Variants in ERC1 observed in about 807,000 individuals in gnomAD.
ERC1 encodes the protein ELKS/RAB6-interacting/CAST family member 1.
Under a neutral mutation model 132.0 loss-of-function variants are expected in ERC1, and 56 were observed. That is an observed-to-expected ratio of 0.42 (90% CI 0.34 to 0.53). The LOEUF is 0.53. Among genes scored for constraint, ERC1 ranks in the 20% least tolerant of loss-of-function variants. The probability of loss-of-function intolerance (pLI) is 0.03; values close to 1 mark genes in which losing one functional copy is unlikely to be tolerated. For synonymous variants in ERC1, 478 were observed against 476.1 expected (o/e 1.00, Z -0.05); for missense variants, 1,202 against 1,349.9 (o/e 0.89, Z 1.72).
chr12:998,080 T>G (rs967347870), intron 1 of ERC1, among the ~76,000 whole-genome samples: 2 of 152,220 alleles, frequency 1.3e-5, no homozygotes, highest in Non-Finnish European at 2.9e-5. Flanking sequence ...TTTACACACT[T>G]AAGAGTTTTC....
intron 17 of ERC1, among the ~76,000 whole-genome samples, chr12:1,443,082 G>T (rs1019053227): frequency 2.0e-5 from 3 of 151,728 alleles, no homozygotes; most frequent in African/African-American, 7.3e-5. Context: ...TGTATTTTTA[G>T]TGGAAACGGG....
At chr12:1,405,067 G>C (rs1023138360) in intron 16 of ERC1, among the ~76,000 whole-genome samples, 1 of 151,840 alleles carries the variant, frequency 6.6e-6, no homozygotes, top group African/African-American at 2.4e-5. Flanking sequence ...TTGAGCCCAG[G>C]AGGCAAAAGT....
intron 12 of ERC1, among the ~76,000 whole-genome samples, chr12:1,222,585 A>G (rs778780127): frequency 5.3e-5 from 8 of 152,188 alleles, no homozygotes; most frequent in African/African-American, 7.2e-5. Flanking sequence ...TGCTTTAGCA[A>G]TGTCATTTTA....
intron 15 of ERC1, among the ~76,000 whole-genome samples, chr12:1,343,929 C>T (rs1169396927): frequency 2.0e-5 from 3 of 152,086 alleles, no homozygotes; most frequent in Non-Finnish European, 1.5e-5. Context: ...GTAAGCTCCG[C>T]CTTTCAGGTT....
intron 14 of ERC1, among the ~76,000 whole-genome samples, chr12:1,275,064 G>A (rs2078168707): frequency 6.6e-6 from 1 of 152,184 alleles, no homozygotes; most frequent in Non-Finnish European, 1.5e-5. Flanking sequence ...GCATGAAACT[G>A]GAGAGGTAGG....
chr12:1,452,726 A>G (rs779155500), intron 18 of ERC1, among the ~76,000 whole-genome samples: 7 of 152,170 alleles, frequency 4.6e-5, no homozygotes, highest in Non-Finnish European at 1.0e-4. Context: ...TGTGTGTCAT[A>G]ATTTTTTATT....
chr12:1,233,223 C>A (rs954587655), intron 12 of ERC1, among the ~76,000 whole-genome samples: 1 of 152,090 alleles, frequency 6.6e-6, no homozygotes, highest in Non-Finnish European at 1.5e-5. Flanking sequence ...GTAATCCCAG[C>A]ACTTTGGGAG....
At chr12:1,267,638 T>C (rs1566436461) in intron 14 of ERC1, among the ~76,000 whole-genome samples, 1 of 152,044 alleles carries the variant, frequency 6.6e-6, no homozygotes, top group Non-Finnish European at 1.5e-5. Flanking sequence ...GGGGTATGCC[T>C]ATATTCCCAG....
chr12:1,196,884 G>T (rs1437690775), intron 12 of ERC1, among the ~76,000 whole-genome samples: 1 of 83,872 alleles, frequency 1.2e-5, no homozygotes, highest in African/African-American at 4.0e-5. Context: ...CTCTCTGTCT[G>T]TCTGTCTCTC....
At chr12:1,477,578 G>A (rs577576947) in intron 18 of ERC1, among the ~76,000 whole-genome samples, 1 of 152,276 alleles carries the variant, frequency 6.6e-6, no homozygotes, top group East Asian at 1.9e-4. Context: ...GGTCAGATTG[G>A]ATCGTACAGT....
intron 1 of ERC1, among the ~76,000 whole-genome samples, chr12:1,022,553 A>T (rs941251658): frequency 6.6e-6 from 1 of 152,094 alleles, no homozygotes; most frequent in African/African-American, 2.4e-5. Context: ...CAGCAATCTC[A>T]TCTTGAATTG....
intron 2 of ERC1, among the ~76,000 whole-genome samples, chr12:1,072,196 G>A (rs558959344): frequency 3.4e-4 from 52 of 152,244 alleles, no homozygotes; most frequent in South Asian, 2.1e-3. Flanking sequence ...ATAACTTGGT[G>A]TGTGAAAGCT....
At chr12:1,060,529 G>A (rs1331340166) in intron 2 of ERC1, among the ~76,000 whole-genome samples, 2 of 152,064 alleles carry the variant, frequency 1.3e-5, no homozygotes, top group Admixed American at 6.5e-5. Flanking sequence ...CGGCTGCATA[G>A]TATTCCATGG....
At position 992,267 on chromosome 12, in the gene ERC1, A is replaced by G. The variant is rs137871859; in HGVS notation, c.-157+945A>G. 5.6e-3 allele frequency among the ~76,000 whole-genome samples: 853 copies of G among 152,288 alleles called. 8 individuals carry two copies. Among genetic ancestry groups the G allele is most frequent in the Admixed American group, 0.01 (155 of 15,296 alleles). ...CCCAAACTCAGGTGGTTGCTTTGGA[A>G]GGCACATTGCTGAATAATAGTTGCA... is the stretch of plus-strand genomic sequence containing the variant. On this transcript the variant is annotated intron_variant, in intron 1 of 18. Transcript: ENST00000360905.
At chr12:1,293,838 C>T (rs1386085610) in intron 15 of ERC1, among the ~76,000 whole-genome samples, 1 of 152,192 alleles carries the variant, frequency 6.6e-6, no homozygotes, top group Non-Finnish European at 1.5e-5. Context: ...TTTATTTATA[C>T]TTCCACCAAA....
intron 15 of ERC1, among the ~76,000 whole-genome samples, chr12:1,312,412 A>G (rs1317196899): frequency 6.6e-6 from 1 of 152,160 alleles, no homozygotes; most frequent in Non-Finnish European, 1.5e-5. Flanking sequence ...CCCAGGCTGG[A>G]ATGCAGTGGC....
chr12:1,351,862 G>GTATTTTCTCCCATTCTGTGTCT, intron 15 of ERC1, among the ~76,000 whole-genome samples: 1 of 151,888 alleles, frequency 6.6e-6, no homozygotes, highest in Non-Finnish European at 1.5e-5. Flanking sequence ...TCTTTTGCAA[G>GTATTTTCTCCCATTCTGTGTCT]TATTTTCTCC....
intron 2 of ERC1, among the ~76,000 whole-genome samples, chr12:1,082,487 T>TAA (rs1565929337): frequency 6.4e-4 from 64 of 100,036 alleles, no homozygotes; most frequent in African/African-American, 2.1e-3. Context: ...AAAAAAAATT[T>TAA]TTTTTTTTTT....
chr12:1,478,368 C>T (rs2094015473), intron 18 of ERC1, among the ~76,000 whole-genome samples: 1 of 152,172 alleles, frequency 6.6e-6, no homozygotes, highest in Non-Finnish European at 1.5e-5. Context: ...ATTCAAGTGT[C>T]TTGCCTATTT....
Sources: allele counts gnomAD v4.1 joint callset (sites outside exome capture counted in the v4.1 genomes callset), GRCh38; gene constraint gnomAD v4.1.1; transcripts MANE v1.5; gene names NCBI Gene and HGNC (gene_info 2026-07-23, HGNC 2026-07-21).